Variants in ERBB2 observed in about 807,000 individuals in gnomAD.
ERBB2 encodes the protein receptor tyrosine-protein kinase erbB-2.
A neutral mutation model predicts 149.0 loss-of-function variants in ERBB2; 61 were observed. That is an observed-to-expected ratio of 0.41 (90% CI 0.33 to 0.51). The LOEUF (loss-of-function observed/expected upper bound fraction) is 0.51, where lower values mean the gene tolerates loss of function less well. Among genes scored for constraint, ERBB2 ranks in the 20% least tolerant of loss-of-function variants. The probability of loss-of-function intolerance (pLI) is 0.25; values close to 1 mark genes in which losing one functional copy is unlikely to be tolerated. For synonymous variants in ERBB2, 633 were observed against 678.8 expected (o/e 0.93, Z 1.05); for missense variants, 1,205 against 1,655.1 (o/e 0.73, Z 4.72).
At chr17:39,694,273 GTATA>G (rs1210055293), upstream of ERBB2, among the ~76,000 whole-genome samples, 10 of 25,498 alleles carry the variant, frequency 3.9e-4, 1 homozygote, top group South Asian at 0.018. Context: ...ATATATGTGT[GTATA>G]TATATATATA....
At chr17:39,719,925 A>G in intron 16 of ERBB2, 91 bp downstream of exon 16, 1 of 1,212,024 alleles carries the variant, frequency 8.3e-7, no homozygotes, top group Non-Finnish European at 1.2e-6. Context: ...GGACCCCCTG[A>G]CATATGTCCC....
Position 39,706,991 on chromosome 17 carries a change from G to A in ERBB2, c.75G>A (p.Val25=), listed in dbSNP as rs2145403526. ...LLPPGAASTQ[V]CTGTDMKLRL... ...GACCCATCTGCTCTCTCCTGCCAGT[G>A]TGCACCGGCACAGACATGAAGCTGC... The change falls in exon 2 of 27, where the codon GTG becomes GTA. Residue 25 remains valine (V), a splice_region_variant and synonymous_variant. Coordinates refer to ENST00000269571, the MANE Select transcript of ERBB2 (RefSeq NM_004448.4). 2 of 1,576,812 alleles carry A rather than the reference G, an allele frequency of 1.3e-6. No individual in the cohort carries two copies. Among genetic ancestry groups the A allele is most frequent in the Non-Finnish European group, 8.6e-7 (1 of 1,160,516 alleles).
chr17:39,716,274 C>T (rs761273567), intron 12 of ERBB2, 27 bp from the exon 13 acceptor site: 1 of 1,546,946 alleles, frequency 6.5e-7, no homozygotes, highest in South Asian at 1.2e-5. Context: ...CTAAAAGTCC[C>T]CTGCGGTCCC....
At chr17:39,705,053 A>G (rs575562488) in intron 1 of ERBB2, among the ~76,000 whole-genome samples, 205 of 152,194 alleles carry the variant, frequency 1.3e-3, no homozygotes, top group African/African-American at 4.3e-3. Flanking sequence ...TTATGAGGCG[A>G]GAGCTAACCC....
intron 14 of ERBB2, 82 bp from the exon 15 acceptor site, chr17:39,717,238 A>T: frequency 8.1e-7 from 1 of 1,231,932 alleles, no homozygotes; most frequent in Non-Finnish European, 1.1e-6. Flanking sequence ...GGAAGCACAA[A>T]GGGGACCCAA....
At chr17:39,691,934 C>CATATATATATATATATATATATATATAT (rs57592884), upstream of ERBB2, among the ~76,000 whole-genome samples, 1 of 120,878 alleles carries the variant, frequency 8.3e-6, no homozygotes, top group African/African-American at 3.6e-5. Flanking sequence ...TATACATATA[C>CATATATATATATATATATATATATATAT]ATATATATAT....
intron 7 of ERBB2, 35 bp from the exon 8 acceptor site, chr17:39,711,893 C>T (rs756431224): frequency 6.2e-7 from 1 of 1,613,408 alleles, no homozygotes; most frequent in Non-Finnish European, 8.5e-7. Context: ...CACGAAGGGC[C>T]AGGGTATGTG....
At chr17:39,708,806 A>G (rs981120528) in intron 3 of ERBB2, among the ~76,000 whole-genome samples, 1 of 152,164 alleles carries the variant, frequency 6.6e-6, no homozygotes, top group Non-Finnish European at 1.5e-5. Context: ...TGAACAACCT[A>G]TGTAACTATT....
chr17:39,715,421 C>A, intron 10 of ERBB2, 25 bp from the exon 11 acceptor site: 1 of 1,613,936 alleles, frequency 6.2e-7, no homozygotes. Flanking sequence ...GTCCCCACTC[C>A]TTTAATCTCA....
chr17:39,708,239 C>A (rs1302635174), intron 2 of ERBB2, 82 bp from the exon 3 acceptor site: 1 of 1,077,798 alleles, frequency 9.3e-7, no homozygotes, highest in Non-Finnish European at 1.4e-6. Flanking sequence ...TGCCCAAGAT[C>A]TCCAAGTACT....
chr17:39,727,111 C>T lies in ERBB2; in HGVS notation c.3159+108C>T. On this transcript the variant is annotated intron_variant, in intron 25 of 26. Coordinates refer to ENST00000269571, the MANE Select transcript of ERBB2 (RefSeq NM_004448.4). This position sits in a 1 kb window ranked among gnomAD's most constrained non-coding sequence, Gnocchi z 4.3. ...CCTCAACTGTCACCTCTCAAGGAAA[C>T]CCCATTATCCCTACAAAAAATTCTT... 8.0e-7 allele frequency: 1 copy of T among 1,245,442 alleles called. No individual in the cohort carries two copies. The highest frequency in any genetic ancestry group is 2.4e-5 in the Admixed American group (1 of 42,544). The allele number at this position is 1,245,442 out of a possible 1,614,324, so 77.1% of individuals were successfully genotyped here.
chr17:39,708,507 C>A lies in ERBB2; in HGVS notation c.412C>A (p.Arg138=), dbSNP rs779156384. 1 of 1,613,904 alleles carries A rather than the reference C, an allele frequency of 6.2e-7. No individual in the cohort carries two copies. The highest frequency in any genetic ancestry group is 1.7e-5 in the Admixed American group (1 of 60,002). Residue 138 remains arginine (R), a synonymous_variant, in exon 3 of 27, where the codon CGG becomes AGG. Coordinates refer to ENST00000269571, the MANE Select transcript of ERBB2 (RefSeq NM_004448.4). ...PVTGASPGGL[R]ELQLRSLTEI... ...CACAGGGGCCTCCCCAGGAGGCCTG[C>A]GGGAGCTGCAGCTTCGAAGCCTCAC...
chr17:39,694,184 T>A (rs1334072903), upstream of ERBB2, among the ~76,000 whole-genome samples: 1 of 94,310 alleles, frequency 1.1e-5, no homozygotes. Flanking sequence ...ACAGTGAGAC[T>A]CTGTCTCAGA....
chr17:39,707,129 G>T lies in ERBB2; in HGVS notation c.213G>T (p.Leu71=), dbSNP rs2058492577. Residue 71 remains leucine, a synonymous_variant, in exon 2 of 27, where the codon CTG becomes CTT. Coordinates refer to ENST00000269571, the MANE Select transcript of ERBB2 (RefSeq NM_004448.4). ...ELTYLPTNAS[L]SFLQDIQEVQ... ...CCTACCTGCCCACCAATGCCAGCCT[G>T]TCCTTCCTGCAGGTGAGGCCCGTGG... 6.3e-7 allele frequency: 1 copy of T among 1,585,622 alleles called. No individual in the cohort carries two copies. The highest frequency in any genetic ancestry group is 2.4e-5 in the East Asian group (1 of 42,334).
At chr17:39,713,902 C>CA (rs915610881) in intron 9 of ERBB2, among the ~76,000 whole-genome samples, 17 of 151,440 alleles carry the variant, frequency 1.1e-4, no homozygotes, top group African/African-American at 3.6e-4. Flanking sequence ...CAAAAAAACA[C>CA]AAAAAATTAG....
intron 3 of ERBB2, 52 bp downstream of exon 3, chr17:39,708,586 G>A (rs190547599): frequency 1.4e-6 from 2 of 1,426,642 alleles, no homozygotes; most frequent in East Asian, 2.3e-5. Context: ...AGCTGACCAG[G>A]GCCACTGCTA....
chr17:39,698,155 C>G (rs1007225202), upstream of ERBB2, among the ~76,000 whole-genome samples: 2 of 152,162 alleles, frequency 1.3e-5, no homozygotes, highest in African/African-American at 4.8e-5. Flanking sequence ...TCTCCTTTAA[C>G]CCCAGCATAG....
Position 39,725,488 on chromosome 17 carries a change from C to A in ERBB2, c.2725+86C>A. The stretch of plus-strand genomic sequence containing the variant: ...AGCTGGGATGGGGAGAATTACGGGG[C>A]CACCTCAGCATGTGAAGGGAGGGAA... On this transcript the variant is annotated intron_variant, in intron 22 of 26. Transcript: ENST00000269571. This position sits in a 1 kb window ranked among gnomAD's most constrained non-coding sequence, Gnocchi z 4.6. The A allele has an allele frequency of 1.4e-6, 2 of 1,414,026 alleles. No homozygotes were observed. The highest frequency in any genetic ancestry group is 1.7e-5 in the Admixed American group (1 of 57,442). 87.6% of individuals were successfully genotyped at this position (1,414,026 alleles called of 1,614,324 possible).
chr17:39,724,272 A>ATTTTTTTTTTTTT lies in ERBB2; in HGVS notation c.2307+266_2307+278dup, dbSNP rs71149796. On this transcript the variant is annotated intron_variant, in intron 19 of 26. Transcript: ENST00000269571. ...TAGCTGGGATTACAAGCGCCCGCTA[A>ATTTTTTTTTTTTT]TTTTTTTTTTTTTTTTGAGACAGAG... Among the ~76,000 whole-genome samples, 185 of 76,970 alleles carry ATTTTTTTTTTTTT rather than the reference A, an allele frequency of 2.4e-3. 40 individuals are homozygous for ATTTTTTTTTTTTT. Among genetic ancestry groups the ATTTTTTTTTTTTT allele is most frequent in the African/African-American group, 4.6e-3 (100 of 21,928 alleles). The allele number at this position is 76,970 out of a possible 152,430, so 50.5% of individuals were successfully genotyped here.
Sources: allele counts gnomAD v4.1 joint callset (sites outside exome capture counted in the v4.1 genomes callset), GRCh38; gene constraint gnomAD v4.1.1; non-coding constraint Gnocchi (gnomAD v3.1); transcripts MANE v1.5; gene names NCBI Gene and HGNC (gene_info 2026-07-23, HGNC 2026-07-21).